The following TRPS1 variants were observed in gnomAD, a reference collection of about 807,000 sequenced individuals.
The protein encoded by TRPS1 is transcriptional repressor GATA binding 1.
TRPS1 carries 6 observed loss-of-function variants against 101.2 expected under a neutral mutation model. That is an observed-to-expected ratio of 0.06 (90% CI 0.03 to 0.12). The LOEUF is 0.12. Ranked by LOEUF, TRPS1 falls within the 10% of genes least tolerant of loss-of-function variation. The pLI, the probability that TRPS1 is intolerant of heterozygous loss-of-function variation, is 1.00. For missense variants in TRPS1, 1,363 were observed against 1,567.0 expected, an observed-to-expected ratio of 0.87 and a Z score of 2.20; for synonymous variants, 578 against 589.8, an observed-to-expected ratio of 0.98 and a Z score of 0.29.
chr8:115,552,763 G>A (rs928271687), intron 5 of TRPS1, among the ~76,000 whole-genome samples: 1 of 152,002 alleles, frequency 6.6e-6, no homozygotes, highest in Admixed American at 6.6e-5. Context: ...GTTATAATAA[G>A]TGTTCCCATT....
intron 5 of TRPS1, among the ~76,000 whole-genome samples, chr8:115,419,918 A>G (rs975430415): frequency 1.3e-5 from 2 of 152,202 alleles, no homozygotes; most frequent in African/African-American, 4.8e-5. Context: ...AATACAAGGA[A>G]AATGAATGAA....
intron 5 of TRPS1, among the ~76,000 whole-genome samples, chr8:115,467,475 C>G (rs150376335): frequency 3.8e-4 from 58 of 151,256 alleles, no homozygotes; most frequent in Non-Finnish European, 7.7e-4. Flanking sequence ...CCTTTTGTAC[C>G]CAAATAAAGC....
intron 5 of TRPS1, among the ~76,000 whole-genome samples, chr8:115,487,341 G>A (rs1438032348): frequency 2.0e-5 from 3 of 152,104 alleles, no homozygotes; most frequent in South Asian, 4.1e-4. Context: ...TATGTACAAA[G>A]AGATCAGTGT....
chr8:115,488,630 G>A (rs537730385), intron 5 of TRPS1, among the ~76,000 whole-genome samples: 6 of 152,158 alleles, frequency 3.9e-5, no homozygotes, highest in East Asian at 1.9e-4. Context: ...AGCTGAGATC[G>A]CACCACTGCA....
chr8:115,414,721 C>T lies in TRPS1; in HGVS notation c.3187G>A (p.Gly1063Arg), dbSNP rs1426238402. ...KSPQESTGDPGNSSSVSEGKG... is the reference protein window; with the variant it reads ...KSPQESTGDPRNSSSVSEGKG... ...CCTTCAGATACGGATGAACTATTTC[C>T]TGGATCTCCAGTACTTTCCTGAGGA... The change falls in exon 7 of 7, where the codon GGA becomes AGA. Residue 1063 changes from glycine (G) to arginine (R), a missense_variant. Gly to Arg is a moderately radical substitution (Grantham distance 125, BLOSUM62 -2). Coordinates refer to ENST00000395715, the MANE Select transcript of TRPS1 (RefSeq NM_014112.5). The surrounding 1 kb of genome is among the most constrained non-coding windows in gnomAD (Gnocchi z 4.8). The T allele has an allele frequency of 6.2e-7, 1 of 1,614,062 alleles. No individual in the cohort carries two copies. The highest frequency in any genetic ancestry group is 1.3e-5 in the African/African-American group (1 of 75,020).
At chr8:115,573,247 C>T (rs1817246304) in intron 5 of TRPS1, among the ~76,000 whole-genome samples, 2 of 152,150 alleles carry the variant, frequency 1.3e-5, no homozygotes, top group Non-Finnish European at 2.9e-5. Flanking sequence ...AGTGACATAA[C>T]ATCTCTGAGG....
chr8:115,604,703 A>T lies in TRPS1; in HGVS notation c.1266T>A (p.Thr422=), dbSNP rs377443569. 2.5e-6 allele frequency: 4 copies of T among 1,613,858 alleles called. No homozygotes were observed. The highest frequency in any genetic ancestry group is 3.4e-6 in the Non-Finnish European group (4 of 1,179,914). ...DKITVKAGDD[T]PVGYSVPIKP... is the part of the protein sequence containing the mutation. ...TTATGGGCACTGAGTACCCAACAGG[A>T]GTGTCATCTCCTGCTTTGACTGTTA... Residue 422 remains threonine, a synonymous_variant, in exon 4 of 7, where the codon ACT becomes ACA. Coordinates refer to ENST00000395715, the MANE Select transcript of TRPS1 (RefSeq NM_014112.5). The surrounding 1 kb of genome is among the most constrained non-coding windows in gnomAD (Gnocchi z 4.1).
rs79017478 is a variant in TRPS1 at position 115,627,730 on chromosome 8, C to T, written c.-121-3972G>A. 5.1e-4 allele frequency among the ~76,000 whole-genome samples: 77 copies of T among 151,704 alleles called. 2 individuals are homozygous for T. In the East Asian group the frequency reaches 0.015, roughly 29 times the overall value. On this transcript the variant is annotated intron_variant, in intron 1 of 6. Transcript: ENST00000395715. ...ACTAATGTTGCTTTTTTCTGTTTTC[C>T]TACCTGTTAATCAATAGAAAAGAAA...
At chr8:115,664,707 C>T (rs879305044) in intron 1 of TRPS1, among the ~76,000 whole-genome samples, 2 of 152,084 alleles carry the variant, frequency 1.3e-5, no homozygotes, top group Non-Finnish European at 2.9e-5. Flanking sequence ...GCCCATAAAA[C>T]TTGCGGGTTT....
chr8:115,583,544 A>G (rs1379701560), intron 5 of TRPS1, among the ~76,000 whole-genome samples: 1 of 152,122 alleles, frequency 6.6e-6, no homozygotes, highest in Non-Finnish European at 1.5e-5. Context: ...TGTTAAGATA[A>G]TAAAGTTGTC....
chr8:115,623,762 C>A lies in TRPS1; in HGVS notation c.-121-4G>T. On this transcript the variant is annotated splice_region_variant and splice_polypyrimidine_tract_variant and intron_variant, in intron 1 of 6. Coordinates refer to ENST00000395715, the MANE Select transcript of TRPS1 (RefSeq NM_014112.5). The stretch of plus-strand genomic sequence containing the variant: ...TTTTGAGAGCTGATCTGTACATCTG[C>A]AAAACAAAGCAAAAGAAAAATTTTC... 6.9e-7 allele frequency: 1 copy of A among 1,452,668 alleles called. No individual in the cohort carries two copies. The highest frequency in any genetic ancestry group is 1.4e-5 in the South Asian group (1 of 70,362). 90.0% of individuals were successfully genotyped at this position (1,452,668 alleles called of 1,614,324 possible).
Position 115,609,684 on chromosome 8 carries a change from T to C in TRPS1, c.967-4682A>G, listed in dbSNP as rs901600069. ...GGAGTCCTTTGATTGTGAATTAAAG[T>C]TATATAAAAACACCTAAAACAATTA... On this transcript the variant is annotated intron_variant, in intron 3 of 6. Transcript: ENST00000395715. Among the ~76,000 whole-genome samples the C allele has an allele frequency of 3.9e-5, 6 of 152,296 alleles. No individual in the cohort carries two copies. In the East Asian group the frequency reaches 9.6e-4, roughly 24 times the overall value.
chr8:115,579,564 C>T (rs1160637475), intron 5 of TRPS1, among the ~76,000 whole-genome samples: 1 of 152,052 alleles, frequency 6.6e-6, no homozygotes, highest in Non-Finnish European at 1.5e-5. Context: ...TTTTAAAAAT[C>T]TTTTCCATTT....
intron 5 of TRPS1, among the ~76,000 whole-genome samples, chr8:115,437,595 AAAT>A (rs1206500759): frequency 1.3e-5 from 2 of 152,226 alleles, no homozygotes; most frequent in African/African-American, 4.8e-5. Context: ...GTCAAAAAAT[AAAT>A]AATTGACAAA....
chr8:115,426,314 T>C (rs1813185505), intron 5 of TRPS1, among the ~76,000 whole-genome samples: 4 of 152,080 alleles, frequency 2.6e-5, no homozygotes, highest in Admixed American at 2.6e-4. Flanking sequence ...TTATATAATA[T>C]ATTTAATAAG....
chr8:115,539,651 A>C (rs1816404507), intron 5 of TRPS1, among the ~76,000 whole-genome samples: 2 of 152,066 alleles, frequency 1.3e-5, no homozygotes, highest in African/African-American at 4.8e-5. Context: ...CAGCCTGGAC[A>C]ACATGGCAAA....
At chr8:115,548,188 T>G (rs1816622607) in intron 5 of TRPS1, among the ~76,000 whole-genome samples, 1 of 152,052 alleles carries the variant, frequency 6.6e-6, no homozygotes, top group Non-Finnish European at 1.5e-5. Flanking sequence ...GAGCCATGAT[T>G]GCACCAGTGT....
In TRPS1 at chr8:115,412,783, C is replaced by T. The variant is rs990211046; in HGVS notation, c.*1240G>A. On this transcript the variant is annotated 3_prime_UTR_variant, in exon 7 of 7. Transcript: ENST00000395715. ...AATGTTCAGTTATTTAGCCCTATTT[C>T]CCTGAGCAGTTATGCTGAGGAGCTT... 1 of 152,512 alleles carries T rather than the reference C, an allele frequency of 6.6e-6. No homozygotes were observed. The highest frequency in any genetic ancestry group is 1.5e-5 in the Non-Finnish European group (1 of 68,008). 9.4% of individuals were successfully genotyped at this position (152,512 alleles called of 1,614,324 possible).
At chr8:115,522,043 G>C (rs928720330) in intron 5 of TRPS1, among the ~76,000 whole-genome samples, 1 of 151,886 alleles carries the variant, frequency 6.6e-6, no homozygotes, top group Non-Finnish European at 1.5e-5. Context: ...ATCTTTTTAT[G>C]TCAACAATAA....
Sources: gnomAD v4.1 joint callset for allele counts (sites outside exome capture counted in the v4.1 genomes callset) on GRCh38, gnomAD v4.1.1 for gene constraint, Gnocchi (gnomAD v3.1) non-coding constraint, MANE v1.5 for transcripts, NCBI Gene and HGNC (gene_info 2026-07-23, HGNC 2026-07-21) for gene names.